The following AGBL1 variants were observed in gnomAD, a reference collection of about 807,000 sequenced individuals.
AGBL1 encodes cytosolic carboxypeptidase 4.
Under a neutral mutation model 118.9 loss-of-function variants are expected in AGBL1, and 130 were observed. The ratio of observed to expected loss-of-function variants is 1.09; its 90% confidence interval spans 0.95 to 1.26. AGBL1 has a LOEUF of 1.26. Ranked by LOEUF, AGBL1 falls within the 50% of genes most tolerant of loss-of-function variation. The pLI, the probability that AGBL1 is intolerant of heterozygous loss-of-function variation, is 0.00. For missense variants in AGBL1, 1,584 were observed against 1,298.1 expected, an observed-to-expected ratio of 1.22 and a Z score of -3.38; for synonymous variants, 555 against 478.9, an observed-to-expected ratio of 1.16 and a Z score of -2.08.
chr15:86,425,113 C>T (rs1038357544), intron 18 of AGBL1, among the ~76,000 whole-genome samples: 10 of 152,198 alleles, frequency 6.6e-5, no homozygotes, highest in African/African-American at 2.4e-4. Flanking sequence ...CAGCACTATT[C>T]ACAATAGCAA....
intron 13 of AGBL1, among the ~76,000 whole-genome samples, chr15:86,269,630 C>T (rs75459229): frequency 0.015 from 2,341 of 152,128 alleles, 53 homozygotes; most frequent in Non-Finnish European, 0.018. Flanking sequence ...CACATGTACC[C>T]CATAAATAAA....
At chr15:86,761,682 G>A (rs957667686) in intron 22 of AGBL1, among the ~76,000 whole-genome samples, 3 of 151,960 alleles carry the variant, frequency 2.0e-5, no homozygotes, top group African/African-American at 4.8e-5. Context: ...GGGTTGTTTC[G>A]TGTTTTAATT....
intron 5 of AGBL1, among the ~76,000 whole-genome samples, chr15:86,178,458 C>A (rs1248935802): frequency 1.3e-5 from 2 of 152,194 alleles, no homozygotes; most frequent in Non-Finnish European, 2.9e-5. Flanking sequence ...CTACGAACAA[C>A]TTTGTGCCAA....
At position 86,985,972 on chromosome 15, in the gene AGBL1, G is replaced by A. The variant is rs908467198; in HGVS notation, c.3222-2015G>A. Among the ~76,000 whole-genome samples, 4 of 150,802 alleles carry A rather than the reference G, an allele frequency of 2.7e-5. No individual in the cohort carries two copies. The Admixed American group carries it at 2.7e-4, about 10-fold the overall frequency. On this transcript the variant is annotated intron_variant, in intron 23 of 24. Transcript: ENST00000441037. ...AGAGTTTCCCTCTTTCGCCTAGGCT[G>A]GAGTGAAGTGGCAGGATCCTGGCTC... is the stretch of plus-strand genomic sequence containing the variant.
At chr15:86,856,708 A>T (rs1011326409) in intron 22 of AGBL1, among the ~76,000 whole-genome samples, 3 of 152,210 alleles carry the variant, frequency 2.0e-5, no homozygotes, top group African/African-American at 7.2e-5. Context: ...ATGTGCAAAA[A>T]AGTTAGTTAC....
Position 86,795,326 on chromosome 15 carries a change from T to C in AGBL1, c.3159-111761T>C, listed in dbSNP as rs545609937. Among the ~76,000 whole-genome samples, 7 of 152,216 alleles carry C rather than the reference T, an allele frequency of 4.6e-5. No homozygotes were observed. In the South Asian group the frequency reaches 1.5e-3, roughly 32 times the overall value. ...TTGTGATATCTGACAGCCGATCTTT[T>C]ATAAAGCCTTCTGGGAATGAAGAGG... On this transcript the variant is annotated intron_variant, in intron 22 of 22. Coordinates refer to ENST00000614907, the MANE Select transcript of AGBL1 (RefSeq NM_001386094.1).
At chr15:86,552,727 T>C (rs1251228810) in intron 20 of AGBL1, among the ~76,000 whole-genome samples, 1 of 152,126 alleles carries the variant, frequency 6.6e-6, no homozygotes, top group African/African-American at 2.4e-5. Context: ...TAATGAGCAC[T>C]TTGAAGGAAC....
intron 22 of AGBL1, among the ~76,000 whole-genome samples, chr15:86,784,102 A>G (rs2078373082): frequency 6.6e-6 from 1 of 152,162 alleles, no homozygotes; most frequent in South Asian, 2.1e-4. Flanking sequence ...CCTGTCTGTA[A>G]TATGTGAATA....
chr15:86,229,239 G>A (rs970470299), intron 6 of AGBL1, among the ~76,000 whole-genome samples: 1 of 152,062 alleles, frequency 6.6e-6, no homozygotes, highest in Non-Finnish European at 1.5e-5. Flanking sequence ...CCTGAGGCTG[G>A]GTAATTTACA....
intron 22 of AGBL1, among the ~76,000 whole-genome samples, chr15:86,839,900 T>C (rs1428269905): frequency 6.6e-6 from 1 of 152,252 alleles, no homozygotes; most frequent in Non-Finnish European, 1.5e-5. Flanking sequence ...ACGATGTTTA[T>C]ACAAATCAAA....
chr15:86,830,906 G>A, intron 22 of AGBL1, among the ~76,000 whole-genome samples: 1 of 152,128 alleles, frequency 6.6e-6, no homozygotes, highest in Middle Eastern at 3.2e-3. Flanking sequence ...CTTTTCTCAT[G>A]CTGCTGATAA....
intron 18 of AGBL1, among the ~76,000 whole-genome samples, chr15:86,510,786 C>T (rs2083044347): frequency 6.6e-6 from 1 of 152,030 alleles, no homozygotes; most frequent in East Asian, 1.9e-4. Flanking sequence ...AGTAATAAAG[C>T]TGCAGTTTTA....
rs1555446462 is a variant in AGBL1 at position 86,196,874 on chromosome 15, C to CGCGT, written c.489-28037_489-28036insTGCG. ...ATATGCGAATGTGCACATGTGCGCG[C>CGCGT]GCGCGCACACACACACACACACACA... On this transcript the variant is annotated intron_variant, in intron 5 of 22. Transcript: ENST00000614907. Among the ~76,000 whole-genome samples, 30 of 93,208 alleles carry CGCGT rather than the reference C, an allele frequency of 3.2e-4. 1 individual carries two copies. Among genetic ancestry groups the CGCGT allele is most frequent in the African/African-American group, 1.4e-3 (28 of 20,202 alleles). 61.1% of individuals were successfully genotyped at this position (93,208 alleles called of 152,430 possible).
intron 24 of AGBL1, among the ~76,000 whole-genome samples, chr15:87,018,572 A>C (rs895181176): frequency 2.0e-5 from 3 of 152,148 alleles, no homozygotes; most frequent in Admixed American, 6.6e-5. Context: ...GGAGGAATTC[A>C]TTACCACCAG....
chr15:86,667,242 G>GTATCTATCTATCTATC (rs1331835283), intron 21 of AGBL1, among the ~76,000 whole-genome samples: 25 of 113,012 alleles, frequency 2.2e-4, no homozygotes, highest in African/African-American at 6.9e-4. Flanking sequence ...ATGTATGTAT[G>GTATCTATCTATCTATC]TATGTATGTA....
At chr15:86,800,229 T>C (rs1408278630) in intron 22 of AGBL1, among the ~76,000 whole-genome samples, 1 of 152,112 alleles carries the variant, frequency 6.6e-6, no homozygotes, top group Non-Finnish European at 1.5e-5. Flanking sequence ...TTATACATAT[T>C]ATTTTGGGAC....
intron 23 of AGBL1, among the ~76,000 whole-genome samples, chr15:86,922,297 T>G (rs927756659): frequency 6.6e-6 from 1 of 152,186 alleles, no homozygotes; most frequent in Admixed American, 6.5e-5. Flanking sequence ...AGAAACATGT[T>G]GTTATTTTTC....
chr15:86,495,670 C>T (rs11855455), intron 18 of AGBL1, among the ~76,000 whole-genome samples: 7,181 of 151,952 alleles, frequency 0.047, 595 homozygotes, highest in African/African-American at 0.16. Flanking sequence ...ACAACCTGGT[C>T]TCTACAGTAA....
At position 86,575,786 on chromosome 15, in the gene AGBL1, A is replaced by G. The variant is rs550460599; in HGVS notation, c.2994+21249A>G. ...TTGAAAAAAAAATTTCTATAGAGACAGGGTCTTGGTATGTTGCCTAGGCTG... is the reference window on the plus strand; with the variant it reads ...TTGAAAAAAAAATTTCTATAGAGACGGGGTCTTGGTATGTTGCCTAGGCTG... On this transcript the variant is annotated intron_variant, in intron 21 of 22. Transcript: ENST00000614907. Among the ~76,000 whole-genome samples, 56 of 152,062 alleles carry G rather than the reference A, an allele frequency of 3.7e-4. No homozygotes were observed. The Middle Eastern group carries it at 0.024, about 65-fold the overall frequency.
Sources: allele counts gnomAD v4.1 joint callset (sites outside exome capture counted in the v4.1 genomes callset), GRCh38; gene constraint gnomAD v4.1.1; transcripts MANE v1.5; gene names NCBI Gene and HGNC (gene_info 2026-07-23, HGNC 2026-07-21).